KLHL32: variants seen among roughly 807,000 people sequenced by gnomAD.
KLHL32 encodes the protein kelch-like protein 32.
KLHL32 carries 35 observed loss-of-function variants against 64.8 expected under a neutral mutation model. The observed-to-expected ratio is 0.54, with a 90% CI of 0.41 to 0.72. The LOEUF (loss-of-function observed/expected upper bound fraction) is 0.72, where lower values mean the gene tolerates loss of function less well. Ranked by LOEUF, KLHL32 falls within the 30% of genes least tolerant of loss-of-function variation. The pLI, the probability that KLHL32 is intolerant of heterozygous loss-of-function variation, is 0.00. For missense variants in KLHL32, 589 were observed against 768.5 expected (o/e 0.77, Z 2.76); for synonymous variants, 259 against 281.0 (o/e 0.92, Z 0.78).
chr6:96,918,998 C>T, the KLHL32 span, among the ~76,000 whole-genome samples: 1 of 152,114 alleles, frequency 6.6e-6, no homozygotes, highest in East Asian at 1.9e-4. Flanking sequence ...TGGGGGAAGT[C>T]CTCCTTCCCC....
chr6:96,982,131 T>C (rs1396756939), intron 3 of KLHL32, among the ~76,000 whole-genome samples: 2 of 152,178 alleles, frequency 1.3e-5, no homozygotes. Flanking sequence ...CAATGATCTA[T>C]CTAATAGTAT....
chr6:96,990,409 A>T (rs183873981), intron 3 of KLHL32, among the ~76,000 whole-genome samples: 44 of 152,272 alleles, frequency 2.9e-4, no homozygotes, highest in Admixed American at 1.0e-3. Context: ...AATGGTGCTT[A>T]AGTATAATGG....
the KLHL32 span, among the ~76,000 whole-genome samples, chr6:96,917,701 T>C: frequency 2.0e-5 from 3 of 152,184 alleles, no homozygotes; most frequent in Admixed American, 6.5e-5. Flanking sequence ...TGGTTCTCTG[T>C]GTGCCAGGGA....
At chr6:96,957,655 A>G (rs1322940151) in intron 1 of KLHL32, among the ~76,000 whole-genome samples, 2 of 152,172 alleles carry the variant, frequency 1.3e-5, no homozygotes, top group Non-Finnish European at 2.9e-5. Flanking sequence ...TGATCCATGC[A>G]TTTTATGTTT....
intron 2 of KLHL32, among the ~76,000 whole-genome samples, chr6:96,973,730 C>CTCTTTCTTTTTTTTTTTTTTTTTTT (rs1554208428): frequency 8.5e-6 from 1 of 118,256 alleles, no homozygotes; most frequent in African/African-American, 3.3e-5. Flanking sequence ...TACAGATTGC[C>CTCTTTCTTTTTTTTTTTTTTTTTTT]TTTTTTTTTT....
At chr6:97,124,952 A>G (rs1798726156) in intron 7 of KLHL32, among the ~76,000 whole-genome samples, 1 of 152,290 alleles carries the variant, frequency 6.6e-6, no homozygotes, top group African/African-American at 2.4e-5. Flanking sequence ...CATCTTGACT[A>G]TATAGGCATT....
intron 3 of KLHL32, among the ~76,000 whole-genome samples, chr6:97,037,190 T>C (rs1354304535): frequency 4.6e-5 from 7 of 152,026 alleles, no homozygotes; most frequent in Non-Finnish European, 8.8e-5. Context: ...ATTTCTTAAA[T>C]GGCAAGAGAG....
the KLHL32 span, among the ~76,000 whole-genome samples, chr6:96,902,776 GA>G: frequency 6.6e-6 from 1 of 152,150 alleles, no homozygotes; most frequent in Non-Finnish European, 1.5e-5. Context: ...ATGGTGTAAG[GA>G]AGGGGTCCAG....
rs145653881 is a variant in KLHL32 at position 97,033,254 on chromosome 6, A to G, written c.205-8238A>G. 4.1e-4 allele frequency among the ~76,000 whole-genome samples: 62 copies of G among 152,270 alleles called. 1 individual carries two copies. Among genetic ancestry groups the G allele is most frequent in the Admixed American group, 2.0e-3 (30 of 15,282 alleles). On this transcript the variant is annotated intron_variant, in intron 3 of 10. Transcript: ENST00000369261. ...CTGAAACTAAACCCACCATATGCCT[A>G]TATAAGTGAGATCATTCAATATTTG...
chr6:97,068,834 G>A (rs1205380423), intron 5 of KLHL32, among the ~76,000 whole-genome samples: 1 of 152,192 alleles, frequency 6.6e-6, no homozygotes, highest in African/African-American at 2.4e-5. Context: ...TGATGATATT[G>A]TAATGGCAAA....
chr6:97,076,513 G>T (rs1791607087), intron 5 of KLHL32, among the ~76,000 whole-genome samples: 1 of 152,098 alleles, frequency 6.6e-6, no homozygotes. Flanking sequence ...CATCCAGATG[G>T]GTCAGCTCCA....
chr6:97,103,316 C>A (rs908664712), intron 6 of KLHL32, among the ~76,000 whole-genome samples: 1 of 150,922 alleles, frequency 6.6e-6, no homozygotes, highest in African/African-American at 2.4e-5. Flanking sequence ...CAGGTTCATG[C>A]GATTCTCCTG....
upstream of KLHL32, among the ~76,000 whole-genome samples, chr6:96,919,901 G>T (rs1470292643): frequency 2.0e-5 from 3 of 152,154 alleles, no homozygotes; most frequent in East Asian, 3.9e-4. Context: ...AACTAAGTAG[G>T]CATTTTATAA....
chr6:96,984,992 T>A (rs988234854), intron 3 of KLHL32, among the ~76,000 whole-genome samples: 2 of 145,516 alleles, frequency 1.4e-5, no homozygotes, highest in African/African-American at 5.2e-5. Flanking sequence ...ATTTGGCATG[T>A]TTTTGCAGTG....
chr6:97,016,652 G>A (rs1781239072), intron 3 of KLHL32, among the ~76,000 whole-genome samples: 1 of 152,146 alleles, frequency 6.6e-6, no homozygotes, highest in African/African-American at 2.4e-5. Flanking sequence ...TAAGACTTTG[G>A]GGGATTGTTG....
intron 1 of KLHL32, among the ~76,000 whole-genome samples, chr6:96,950,080 TAA>T (rs1772387728): frequency 6.6e-6 from 1 of 152,140 alleles, no homozygotes; most frequent in African/African-American, 2.4e-5. Context: ...GATATTAATT[TAA>T]AAATTAAAAT....
At chr6:96,912,212 A>C in the KLHL32 span, among the ~76,000 whole-genome samples, 2 of 151,762 alleles carry the variant, frequency 1.3e-5, no homozygotes, top group Admixed American at 1.3e-4. Flanking sequence ...ATCCCTTCCC[A>C]TTCCTGACTC....
intron 3 of KLHL32, among the ~76,000 whole-genome samples, chr6:96,996,779 T>G (rs1778464271): frequency 6.6e-6 from 1 of 152,176 alleles, no homozygotes. Flanking sequence ...TCTAAATGTT[T>G]TATGTGTATC....
intron 5 of KLHL32, among the ~76,000 whole-genome samples, chr6:97,084,656 T>A (rs1183272395): frequency 6.6e-6 from 1 of 152,188 alleles, no homozygotes; most frequent in African/African-American, 2.4e-5. Context: ...AAGACCTACT[T>A]AGTTTGAAGT....
Sources: gnomAD v4.1 joint callset for allele counts (sites outside exome capture counted in the v4.1 genomes callset) on GRCh38, gnomAD v4.1.1 for gene constraint, MANE v1.5 for transcripts, NCBI Gene and HGNC (gene_info 2026-07-23, HGNC 2026-07-21) for gene names.